The following LOC128462377 variants were observed in gnomAD, a reference collection of about 807,000 sequenced individuals.
the LOC128462377 span, among the ~76,000 whole-genome samples, chr16:89,406,916 C>G: frequency 6.6e-6 from 1 of 152,186 alleles, no homozygotes; most frequent in African/African-American, 2.4e-5. Flanking sequence ...TGGTGGCTCA[C>G]GCCCATAATC....
At chr16:89,337,116 G>A in the LOC128462377 span, among the ~76,000 whole-genome samples, 39 of 151,656 alleles carry the variant, frequency 2.6e-4, no homozygotes, top group South Asian at 8.3e-4. Flanking sequence ...AACCTGGCAG[G>A]CACAGGCTGC....
At chr16:89,317,222 A>G in the LOC128462377 span, 3 of 684,540 alleles carry the variant, frequency 4.4e-6, no homozygotes, top group Non-Finnish European at 7.8e-6. Flanking sequence ...AGGCCCAGGA[A>G]GGGACTTCTC....
At chr16:89,390,088 C>CTG in the LOC128462377 span, among the ~76,000 whole-genome samples, 3 of 50,460 alleles carry the variant, frequency 5.9e-5, no homozygotes. Flanking sequence ...GCGGGGAGCA[C>CTG]AGACAGAGAA....
chr16:89,408,131 C>A, the LOC128462377 span, among the ~76,000 whole-genome samples: 1 of 152,254 alleles, frequency 6.6e-6, no homozygotes, highest in East Asian at 1.9e-4. Context: ...CAAGACAGCT[C>A]GAAGGACTTG....
the LOC128462377 span, among the ~76,000 whole-genome samples, chr16:89,408,564 C>T: frequency 2.0e-5 from 3 of 152,146 alleles, no homozygotes; most frequent in East Asian, 3.9e-4. Context: ...CCCAGGCTGA[C>T]GAGCGTGAGC....
chr16:89,341,398 G>A, the LOC128462377 span, among the ~76,000 whole-genome samples: 2 of 152,276 alleles, frequency 1.3e-5, no homozygotes, highest in Admixed American at 6.5e-5. Context: ...CAGGTTGGAG[G>A]GATAAGGCCC....
the LOC128462377 span, among the ~76,000 whole-genome samples, chr16:89,390,579 G>T: frequency 6.6e-6 from 1 of 152,128 alleles, no homozygotes; most frequent in African/African-American, 2.4e-5. Flanking sequence ...AAAACATGGA[G>T]AACCTGACCA....
chr16:89,336,023 T>C, the LOC128462377 span, among the ~76,000 whole-genome samples: 2 of 152,212 alleles, frequency 1.3e-5, no homozygotes, highest in African/African-American at 2.4e-5. Context: ...AATAAAGAAG[T>C]GATGGCCAAC....
At chr16:89,320,444 C>T in the LOC128462377 span, 1 of 152,206 alleles carries the variant, frequency 6.6e-6, no homozygotes, top group African/African-American at 2.4e-5. Flanking sequence ...GGGGCTGACT[C>T]ACGCCCTGTG....
chr16:89,369,084 A>G, the LOC128462377 span, among the ~76,000 whole-genome samples: 2 of 152,104 alleles, frequency 1.3e-5, no homozygotes, highest in African/African-American at 2.4e-5. Flanking sequence ...CTGCCCTACA[A>G]TGATCACATC....
At chr16:89,411,920 G>T in the LOC128462377 span, among the ~76,000 whole-genome samples, 1 of 149,770 alleles carries the variant, frequency 6.7e-6, no homozygotes, top group East Asian at 2.0e-4. Context: ...CAGGTACTGG[G>T]GTGAGATGCC....
At chr16:89,388,972 A>G in the LOC128462377 span, among the ~76,000 whole-genome samples, 1 of 152,268 alleles carries the variant, frequency 6.6e-6, no homozygotes, top group Non-Finnish European at 1.5e-5. Context: ...ACAATTATCC[A>G]GCACATAATG....
At chr16:89,367,149 G>C in the LOC128462377 span, among the ~76,000 whole-genome samples, 1 of 152,202 alleles carries the variant, frequency 6.6e-6, no homozygotes, top group Non-Finnish European at 1.5e-5. Context: ...ACCCATCGGT[G>C]AGGAAGAGCA....
At chr16:89,341,902 C>G in the LOC128462377 span, among the ~76,000 whole-genome samples, 1,406 of 54,482 alleles carry the variant, frequency 0.026, no homozygotes, top group Middle Eastern at 0.076. Flanking sequence ...GCACCTCCAC[C>G]CACAGCGGCC....
At chr16:89,318,264 G>C in the LOC128462377 span, among the ~76,000 whole-genome samples, 5 of 152,172 alleles carry the variant, frequency 3.3e-5, no homozygotes, top group African/African-American at 1.2e-4. Flanking sequence ...CTGCCTGTGG[G>C]CCTTCTAGGT....
the LOC128462377 span, among the ~76,000 whole-genome samples, chr16:89,371,718 G>A: frequency 8.5e-5 from 13 of 152,298 alleles, no homozygotes; most frequent in African/African-American, 2.9e-4. Context: ...GTGGTCTCGG[G>A]TGTGGAGGGC....
the LOC128462377 span, among the ~76,000 whole-genome samples, chr16:89,333,617 T>C: frequency 6.6e-6 from 1 of 152,046 alleles, no homozygotes; most frequent in Non-Finnish European, 1.5e-5. Flanking sequence ...AACCCTACAG[T>C]GTGTAGTCCT....
At chr16:89,347,761 A>C in the LOC128462377 span, among the ~76,000 whole-genome samples, 1 of 152,200 alleles carries the variant, frequency 6.6e-6, no homozygotes, top group Non-Finnish European at 1.5e-5. Flanking sequence ...CAAAGAGATG[A>C]CCACAAACAT....
At chr16:89,413,367 T>C in the LOC128462377 span, among the ~76,000 whole-genome samples, 4 of 152,158 alleles carry the variant, frequency 2.6e-5, no homozygotes, top group African/African-American at 9.7e-5. Flanking sequence ...GGCTCACGCC[T>C]GTAATCCCAG....
Sources: allele counts gnomAD v4.1 joint callset (sites outside exome capture counted in the v4.1 genomes callset), GRCh38; gene constraint gnomAD v4.1.1; transcripts MANE v1.5.